Variants in SORBS2 observed in about 807,000 individuals in gnomAD.
SORBS2 encodes sorbin and SH3 domain containing 2, also known as sorbin and SH3 domain-containing protein 2.
A neutral mutation model predicts 97.7 loss-of-function variants in SORBS2; 46 were observed. That is an observed-to-expected ratio of 0.47 (90% CI 0.37 to 0.60). SORBS2 has a LOEUF of 0.60. Among genes scored for constraint, SORBS2 ranks in the 20% least tolerant of loss-of-function variants. SORBS2 has a pLI of 0.00. For synonymous variants in SORBS2, 476 were observed against 473.4 expected, an observed-to-expected ratio of 1.01 and a Z score of -0.07; for missense variants, 1,316 against 1,282.3, an observed-to-expected ratio of 1.03 and a Z score of -0.40.
chr4:185,730,490 T>C (rs1295650045), intron 2 of SORBS2, among the ~76,000 whole-genome samples: 1 of 152,230 alleles, frequency 6.6e-6, no homozygotes, highest in Non-Finnish European at 1.5e-5. Context: ...GAGCTCTCAC[T>C]ATTGTCCATC....
At chr4:185,868,738 G>A (rs963902762) in intron 1 of SORBS2, among the ~76,000 whole-genome samples, 1 of 152,090 alleles carries the variant, frequency 6.6e-6, no homozygotes, top group Non-Finnish European at 1.5e-5. Flanking sequence ...TGACAGGGAC[G>A]CTGTCTCCAT....
chr4:185,836,466 T>C (rs1329457123), intron 1 of SORBS2, among the ~76,000 whole-genome samples: 1 of 152,244 alleles, frequency 6.6e-6, no homozygotes, highest in East Asian at 1.9e-4. Flanking sequence ...CATAATAGTT[T>C]AGTAAAAGCA....
intron 1 of SORBS2, among the ~76,000 whole-genome samples, chr4:185,832,671 G>A (rs1247721985): frequency 6.6e-6 from 1 of 152,204 alleles, no homozygotes; most frequent in Non-Finnish European, 1.5e-5. Context: ...GGTCTAGGAT[G>A]TGCACAGTTG....
At chr4:185,932,111 T>C (rs1346845797) in intron 1 of SORBS2, among the ~76,000 whole-genome samples, 1 of 151,706 alleles carries the variant, frequency 6.6e-6, no homozygotes, top group Non-Finnish European at 1.5e-5. Flanking sequence ...ATACACATAA[T>C]AAACACACAC....
chr4:185,618,528 G>A (rs1561443270), intron 9 of SORBS2, 57 bp downstream of exon 21: 9 of 965,266 alleles, frequency 9.3e-6, no homozygotes, highest in Non-Finnish European at 1.2e-5. Flanking sequence ...ATCTCTTAAA[G>A]CATTACTAAC....
At chr4:185,620,254 G>A (rs1581122776) in intron 7 of SORBS2, 103 bp from the exon 20 acceptor site, 1 of 771,308 alleles carries the variant, frequency 1.3e-6, no homozygotes, top group East Asian at 2.5e-5. Flanking sequence ...CCCCAAATTT[G>A]GAGAGACACC....
chr4:185,839,226 G>A (rs2099210060), intron 1 of SORBS2, among the ~76,000 whole-genome samples: 1 of 152,214 alleles, frequency 6.6e-6, no homozygotes, highest in Admixed American at 6.5e-5. Flanking sequence ...CAAACACTCG[G>A]GGTAACTTGG....
At position 185,606,050 on chromosome 4, in the gene SORBS2, G is replaced by C. The variant is rs147583680; in HGVS notation, c.2796+5730C>G. On this transcript the variant is annotated intron_variant, in intron 12 of 14. Coordinates refer to ENST00000418609, the Ensembl canonical transcript of SORBS2. This position sits in a 1 kb window ranked among gnomAD's most constrained non-coding sequence, Gnocchi z 4.3. ...TAGAAAATCGAAAGGGGACAGAAGTGCTGTTTTTCTTTTCTGTTGTCTTTG... is the reference window on the plus strand; with the variant it reads ...TAGAAAATCGAAAGGGGACAGAAGTCCTGTTTTTCTTTTCTGTTGTCTTTG... 1.3e-5 allele frequency: 13 copies of C among 976,640 alleles called. No homozygotes were observed. In the East Asian group the frequency reaches 1.1e-3, roughly 86 times the overall value. The allele number at this position is 976,640 out of a possible 1,614,324, so 60.5% of individuals were successfully genotyped here. A position where few individuals can be genotyped will look rare whatever the true frequency, so the allele number is the denominator to read the frequency against.
At chr4:185,859,844 T>C (rs2099222671) in intron 1 of SORBS2, among the ~76,000 whole-genome samples, 1 of 152,164 alleles carries the variant, frequency 6.6e-6, no homozygotes, top group African/African-American at 2.4e-5. Context: ...ACTAAGGTGC[T>C]GATGGCAATT....
intron 4 of SORBS2, 45 bp from the exon 16 acceptor site, chr4:185,635,456 G>GT: frequency 7.0e-7 from 1 of 1,436,398 alleles, no homozygotes; most frequent in Non-Finnish European, 9.8e-7. Flanking sequence ...GGGATGGAAT[G>GT]GAGGAGAGTC....
chr4:185,948,558 C>T (rs911061006), intron 1 of SORBS2, among the ~76,000 whole-genome samples: 2 of 131,112 alleles, frequency 1.5e-5, no homozygotes, highest in African/African-American at 5.7e-5. Flanking sequence ...TGCTCCATTG[C>T]CCAGGCTGGA....
chr4:185,614,616 G>A (rs2096600035), intron 11 of SORBS2: 1 of 529,892 alleles, frequency 1.9e-6, no homozygotes, highest in Non-Finnish European at 3.3e-6. Context: ...GGAGAAGCCT[G>A]GTATCCCACG....
chr4:185,717,762 G>A (rs531324590), intron 2 of SORBS2, among the ~76,000 whole-genome samples: 4 of 152,244 alleles, frequency 2.6e-5, no homozygotes, highest in South Asian at 2.1e-4. Flanking sequence ...TTCTTTTTCC[G>A]TGACAGCCAA....
chr4:185,887,135 G>A (rs183597600), intron 1 of SORBS2, among the ~76,000 whole-genome samples: 6 of 152,302 alleles, frequency 3.9e-5, no homozygotes, highest in Admixed American at 3.3e-4. Flanking sequence ...AAGTAAAAGA[G>A]GGTCCACGAG....
intron 1 of SORBS2, among the ~76,000 whole-genome samples, chr4:185,778,836 A>G (rs2099013324): frequency 6.8e-6 from 1 of 147,800 alleles, no homozygotes; most frequent in Non-Finnish European, 1.5e-5. Flanking sequence ...TAACCCCAAT[A>G]ACTCTACAAT....
intron 2 of SORBS2, among the ~76,000 whole-genome samples, chr4:185,719,293 G>A (rs1562105199): frequency 6.6e-6 from 1 of 152,144 alleles, no homozygotes; most frequent in Non-Finnish European, 1.5e-5. Flanking sequence ...TGAAGAATGA[G>A]GTAATCAGAC....
chr4:185,622,875 C>G (rs760039261), intron 7 of SORBS2, 39 bp downstream of exon 19: 1 of 1,542,036 alleles, frequency 6.5e-7, no homozygotes, highest in Non-Finnish European at 8.7e-7. Flanking sequence ...GAGGGTGGGT[C>G]TCTGAACCAC....
chr4:185,713,522 C>T (rs769220088), intron 2 of SORBS2, among the ~76,000 whole-genome samples: 22 of 152,172 alleles, frequency 1.4e-4, no homozygotes, highest in Non-Finnish European at 2.4e-4. Context: ...CCTATAAGGA[C>T]GTTCAGTCCA....
In SORBS2 at chr4:185,623,842, A is replaced by G; in HGVS notation, c.1287T>C (p.Asn429=). 1.9e-6 allele frequency: 3 copies of G among 1,614,130 alleles called. No individual in the cohort carries two copies. The highest frequency in any genetic ancestry group is 2.5e-6 in the Non-Finnish European group (3 of 1,180,016). ...CGGGAGACAGCATGTCATCCCCTAA[A>G]TTTGGCATGGATTTGGACTTCTGGA... Residue 429 remains asparagine, a synonymous_variant, in exon 7 of 15, where the codon AAT becomes AAC. Coordinates refer to ENST00000418609, the Ensembl canonical transcript of SORBS2. This position sits in a 1 kb window ranked among gnomAD's most constrained non-coding sequence, Gnocchi z 6.4.
Sources: allele counts gnomAD v4.1 joint callset (sites outside exome capture counted in the v4.1 genomes callset), GRCh38; gene constraint gnomAD v4.1.1; non-coding constraint Gnocchi (gnomAD v3.1); transcripts MANE v1.5; gene names NCBI Gene and HGNC (gene_info 2026-07-23, HGNC 2026-07-21).